PPFIA2: variants seen among roughly 807,000 people sequenced by gnomAD.
PPFIA2 encodes the protein liprin-alpha-2.
PPFIA2 carries 46 observed loss-of-function variants against 175.5 expected under a neutral mutation model. That is an observed-to-expected ratio of 0.26 (90% CI 0.21 to 0.34). The LOEUF is 0.34. Ranked by LOEUF, PPFIA2 falls within the 10% of genes least tolerant of loss-of-function variation. PPFIA2 has a pLI of 1.00. For synonymous variants in PPFIA2, 568 were observed against 511.4 expected (o/e 1.11, Z -1.49); for missense variants, 1,179 against 1,506.1 (o/e 0.78, Z 3.60).
chr12:81,489,654 T>G (rs1266405961), intron 4 of PPFIA2, among the ~76,000 whole-genome samples: 1 of 151,980 alleles, frequency 6.6e-6, no homozygotes, highest in South Asian at 2.1e-4. Flanking sequence ...AATTAGTCAC[T>G]GCTCCATATA....
At chr12:81,376,958 CT>C (rs1002744178) in intron 9 of PPFIA2, among the ~76,000 whole-genome samples, 29 of 148,364 alleles carry the variant, frequency 2.0e-4, no homozygotes, top group African/African-American at 5.4e-4. Context: ...AATTTTCTTT[CT>C]TTTTTTTTTC....
At chr12:81,743,200 C>T (rs766270874) in intron 3 of PPFIA2, among the ~76,000 whole-genome samples, 3 of 151,036 alleles carry the variant, frequency 2.0e-5, no homozygotes, top group South Asian at 2.1e-4. Flanking sequence ...GGGTCAATCA[C>T]GAGGTCAGGA....
intron 22 of PPFIA2, among the ~76,000 whole-genome samples, chr12:81,311,749 A>AAAAAAG (rs1555249970): frequency 9.1e-5 from 13 of 143,026 alleles, no homozygotes; most frequent in Non-Finnish European, 1.4e-4. Flanking sequence ...AAAAAAAAAA[A>AAAAAAG]AAAGAAAGAA....
At chr12:81,717,784 G>T (rs1459329096) in intron 3 of PPFIA2, among the ~76,000 whole-genome samples, 1 of 151,690 alleles carries the variant, frequency 6.6e-6, no homozygotes, top group African/African-American at 2.4e-5. Context: ...GAGAATCTGA[G>T]ATGTGGATTC....
Position 81,339,194 on chromosome 12 carries a change from C to A in PPFIA2, c.2534G>T (p.Arg845Leu). Reference sequence around the variant, plus strand: ...TGCATACTTACGGAGCTGCCCAAGTCGAGCTTTTTCTTTTTTACCAAACAA... The same window carrying A: ...TGCATACTTACGGAGCTGCCCAAGTAGAGCTTTTTCTTTTTTACCAAACAA... ...GRLFGKKEKA[R>L]LGQLRGFMET... The change falls in exon 21 of 33, where the codon CGA (arginine) becomes CTA (leucine). Residue 845 changes from arginine (R) to leucine (L), a missense_variant. Transcript: ENST00000549396. The A allele has an allele frequency of 6.3e-7, 1 of 1,598,668 alleles. No homozygotes were observed. The highest frequency in any genetic ancestry group is 1.1e-5 in the South Asian group (1 of 88,504).
intron 4 of PPFIA2, among the ~76,000 whole-genome samples, chr12:81,566,902 G>A (rs556722080): frequency 7.9e-5 from 12 of 152,296 alleles, no homozygotes; most frequent in South Asian, 2.1e-4. Context: ...CTGTACATAC[G>A]TGTGTACTGT....
At position 81,443,809 on chromosome 12, in the gene PPFIA2, A is replaced by ATCATTCTT. The variant is rs1216381597; in HGVS notation, c.570+1739_570+1746dup. 3.6e-5 allele frequency among the ~76,000 whole-genome samples: 5 copies of ATCATTCTT among 138,848 alleles called. No individual in the cohort carries two copies. The East Asian group carries it at 1.0e-3, about 29-fold the overall frequency. The allele number at this position is 138,848 out of a possible 152,430, so 91.1% of individuals were successfully genotyped here. A position where few individuals can be genotyped will look rare whatever the true frequency, so the allele number is the denominator to read the frequency against. On this transcript the variant is annotated intron_variant, in intron 6 of 32. Transcript: ENST00000549396. Reference sequence around the variant, plus strand: ...TCTTTCTCTGCTTAAAAAACCCTTAATCATTCTTTAATACCTAGATCAAAT... The same window carrying ATCATTCTT: ...TCTTTCTCTGCTTAAAAAACCCTTAATCATTCTTTCATTCTTTAATACCTAGATCAAAT...
chr12:81,730,341 G>T (rs1336549780), intron 3 of PPFIA2, among the ~76,000 whole-genome samples: 1 of 151,656 alleles, frequency 6.6e-6, no homozygotes, highest in African/African-American at 2.4e-5. Flanking sequence ...AAGGAAAGAA[G>T]TTTAAATGAC....
intron 4 of PPFIA2, among the ~76,000 whole-genome samples, chr12:81,631,428 A>G (rs1448916112): frequency 6.6e-6 from 1 of 152,172 alleles, no homozygotes; most frequent in Admixed American, 6.5e-5. Flanking sequence ...AATTTTTTTG[A>G]GCCCAGTTCT....
intron 7 of PPFIA2, among the ~76,000 whole-genome samples, chr12:81,406,407 T>A (rs1027647521): frequency 9.9e-5 from 15 of 152,126 alleles, no homozygotes; most frequent in Non-Finnish European, 1.6e-4. Context: ...TAAAAAAAAA[T>A]TTGTAATGCT....
intron 15 of PPFIA2, among the ~76,000 whole-genome samples, chr12:81,361,146 C>G (rs2030033111): frequency 1.3e-5 from 2 of 151,512 alleles, no homozygotes; most frequent in African/African-American, 4.8e-5. Flanking sequence ...TTAGGCTGCC[C>G]ATAATGACTC....
intron 3 of PPFIA2, among the ~76,000 whole-genome samples, chr12:81,731,681 C>T (rs961759400): frequency 6.6e-6 from 1 of 151,570 alleles, no homozygotes; most frequent in African/African-American, 2.4e-5. Flanking sequence ...GTTCAGAAAA[C>T]AGACAACCTT....
chr12:81,705,759 T>G (rs1389222152), intron 3 of PPFIA2, among the ~76,000 whole-genome samples: 1 of 152,194 alleles, frequency 6.6e-6, no homozygotes, highest in Non-Finnish European at 1.5e-5. Flanking sequence ...GATGCATGAC[T>G]GTCTCATCAG....
intron 4 of PPFIA2, among the ~76,000 whole-genome samples, chr12:81,485,252 A>G (rs1593766507): frequency 6.6e-6 from 1 of 151,704 alleles, no homozygotes. Flanking sequence ...AAGACATCTC[A>G]TTTTATTTTA....
At chr12:81,637,970 G>A (rs1178104199) in intron 4 of PPFIA2, among the ~76,000 whole-genome samples, 3 of 152,014 alleles carry the variant, frequency 2.0e-5, no homozygotes, top group Non-Finnish European at 4.4e-5. Context: ...CCCTTTCCAC[G>A]AGCTATACGC....
chr12:81,377,873 T>C (rs959043241), intron 9 of PPFIA2, among the ~76,000 whole-genome samples: 1 of 152,132 alleles, frequency 6.6e-6, no homozygotes, highest in Non-Finnish European at 1.5e-5. Flanking sequence ...TCGTGTCCAC[T>C]CTGAACCTGT....
chr12:81,694,895 G>A (rs1399087234), intron 3 of PPFIA2, among the ~76,000 whole-genome samples: 1 of 152,130 alleles, frequency 6.6e-6, no homozygotes, highest in Admixed American at 6.6e-5. Flanking sequence ...CCCTGGATAT[G>A]GGATACGGAA....
intron 7 of PPFIA2, among the ~76,000 whole-genome samples, chr12:81,406,587 T>C (rs1201873601): frequency 2.0e-5 from 3 of 152,072 alleles, no homozygotes; most frequent in Admixed American, 6.6e-5. Context: ...CTCGGGTACT[T>C]ATAGCATAAG....
chr12:81,725,474 A>G (rs1246848145), intron 3 of PPFIA2, among the ~76,000 whole-genome samples: 1 of 150,964 alleles, frequency 6.6e-6, no homozygotes, highest in Non-Finnish European at 1.5e-5. Context: ...GCAGAATATT[A>G]ATACACTGCC....
Sources: allele counts gnomAD v4.1 joint callset (sites outside exome capture counted in the v4.1 genomes callset), GRCh38; gene constraint gnomAD v4.1.1; transcripts MANE v1.5; gene names NCBI Gene and HGNC (gene_info 2026-07-23, HGNC 2026-07-21).